The following SORBS2 variants were observed in gnomAD, a reference collection of about 807,000 sequenced individuals.
SORBS2 encodes the protein sorbin and SH3 domain-containing protein 2.
In SORBS2, 46 loss-of-function variants were observed where a neutral mutation model predicts 97.7. That is an observed-to-expected ratio of 0.47 (90% CI 0.37 to 0.60). SORBS2 has a LOEUF of 0.60. Among genes scored for constraint, SORBS2 ranks in the 20% least tolerant of loss-of-function variants. The pLI, the probability that SORBS2 is intolerant of heterozygous loss-of-function variation, is 0.00. For missense variants in SORBS2, 1,316 were observed against 1,282.3 expected (o/e 1.03, Z -0.40); for synonymous variants, 476 against 473.4 (o/e 1.01, Z -0.07).
intron 1 of SORBS2, among the ~76,000 whole-genome samples, chr4:185,940,702 A>C (rs915098310): frequency 1.3e-5 from 2 of 152,204 alleles, no homozygotes; most frequent in Non-Finnish European, 2.9e-5. Flanking sequence ...AACTTGTTCC[A>C]GCCTAGGTAC....
intron 4 of SORBS2, chr4:185,674,957 C>T (rs998102149): frequency 6.6e-6 from 1 of 152,148 alleles, no homozygotes. Flanking sequence ...TTAATGCTTG[C>T]TCCTCCTGCC....
chr4:185,901,272 C>T (rs906881505), intron 1 of SORBS2, among the ~76,000 whole-genome samples: 1 of 151,908 alleles, frequency 6.6e-6, no homozygotes, highest in Non-Finnish European at 1.5e-5. Flanking sequence ...GGCACAATCT[C>T]GGCTCACCGA....
At chr4:185,936,134 C>G (rs1304445180) in intron 1 of SORBS2, among the ~76,000 whole-genome samples, 1 of 152,254 alleles carries the variant, frequency 6.6e-6, no homozygotes, top group Non-Finnish European at 1.5e-5. Flanking sequence ...ACTGAGATGA[C>G]AGGCGTGAGC....
At chr4:185,752,498 G>T (rs1474608160) in intron 2 of SORBS2, among the ~76,000 whole-genome samples, 2 of 152,036 alleles carry the variant, frequency 1.3e-5, no homozygotes, top group Non-Finnish European at 2.9e-5. Flanking sequence ...GGATGGTCTC[G>T]ATCTCCTGAC....
At chr4:185,895,127 A>T (rs2149812959) in intron 1 of SORBS2, among the ~76,000 whole-genome samples, 1 of 152,306 alleles carries the variant, frequency 6.6e-6, no homozygotes, top group Admixed American at 6.5e-5. Flanking sequence ...AGAAGAATGA[A>T]TTAGGACGAT....
chr4:185,870,259 G>A lies in SORBS2; in HGVS notation c.-338+85937C>T, dbSNP rs150826053. Among the ~76,000 whole-genome samples, 1,385 of 152,268 alleles carry A rather than the reference G, an allele frequency of 9.1e-3. 21 individuals are homozygous for A. The highest frequency in any genetic ancestry group is 0.031 in the African/African-American group (1,276 of 41,546). ...ATGAATGAAAAGTTGGGTTCCCTGCGTAGGGGAATTGCAGAATTCGTGAAA... is the reference window on the plus strand; with the variant it reads ...ATGAATGAAAAGTTGGGTTCCCTGCATAGGGGAATTGCAGAATTCGTGAAA... On this transcript the variant is annotated intron_variant, in intron 1 of 20. Coordinates refer to the SORBS2 transcript ENST00000284776.
chr4:185,708,054 G>T (rs1208908238), intron 2 of SORBS2, among the ~76,000 whole-genome samples: 1 of 152,148 alleles, frequency 6.6e-6, no homozygotes, highest in South Asian at 2.1e-4. Context: ...CCTTGAAGGA[G>T]CCCAGGCTTC....
intron 2 of SORBS2, among the ~76,000 whole-genome samples, chr4:185,694,706 C>CTTTCTTTTTTTTT (rs1388020260): frequency 2.4e-5 from 3 of 124,272 alleles, no homozygotes; most frequent in African/African-American, 5.9e-5. Flanking sequence ...CCTTTTCTTT[C>CTTTCTTTTTTTTT]TTTTCTTTTC....
At chr4:185,669,947 A>G (rs762521010) in intron 4 of SORBS2, among the ~76,000 whole-genome samples, 2 of 152,214 alleles carry the variant, frequency 1.3e-5, no homozygotes, top group Admixed American at 6.5e-5. Context: ...GGGCAAGCGC[A>G]GTGGCTCACA....
chr4:185,703,521 A>T (rs1018354206), intron 2 of SORBS2, among the ~76,000 whole-genome samples: 3 of 152,236 alleles, frequency 2.0e-5, no homozygotes, highest in African/African-American at 7.2e-5. Context: ...CTGTACTCCT[A>T]GCCAATATTC....
chr4:185,812,048 T>C (rs972330389), intron 1 of SORBS2: 3 of 152,234 alleles, frequency 2.0e-5, no homozygotes, highest in Admixed American at 6.5e-5. Context: ...AATCAGCTAA[T>C]TGGAACGGCA....
At chr4:185,678,641 T>C in intron 3 of SORBS2, 94 bp from the exon 7 acceptor site, 2 of 1,371,294 alleles carry the variant, frequency 1.5e-6, no homozygotes, top group Non-Finnish European at 2.0e-6. Flanking sequence ...ATCATTTTTA[T>C]TTCCAAAATT....
At chr4:185,861,701 G>A (rs2099223882) in intron 1 of SORBS2, among the ~76,000 whole-genome samples, 2 of 151,918 alleles carry the variant, frequency 1.3e-5, no homozygotes, top group East Asian at 3.9e-4. Context: ...TGCCACCCAG[G>A]TTCAAGCGAT....
At chr4:185,925,108 G>A (rs1352582649) in intron 1 of SORBS2, among the ~76,000 whole-genome samples, 1 of 152,198 alleles carries the variant, frequency 6.6e-6, no homozygotes. Flanking sequence ...AGCTTGCCAT[G>A]ATATAAGACA....
intron 1 of SORBS2, among the ~76,000 whole-genome samples, chr4:185,930,829 T>A (rs934885147): frequency 6.6e-6 from 1 of 152,230 alleles, no homozygotes; most frequent in African/African-American, 2.4e-5. Flanking sequence ...AAAGTAATAA[T>A]GACTTGTATA....
chr4:185,732,133 A>G (rs1446352140), intron 2 of SORBS2, among the ~76,000 whole-genome samples: 1 of 152,028 alleles, frequency 6.6e-6, no homozygotes, highest in Non-Finnish European at 1.5e-5. Context: ...CATCAGTAGA[A>G]GATGGAAAGT....
At chr4:185,827,153 T>TCATCATCAC (rs1360472731) in intron 1 of SORBS2, among the ~76,000 whole-genome samples, 1 of 44,772 alleles carries the variant, frequency 2.2e-5, no homozygotes, top group South Asian at 7.6e-4. Context: ...ATTGCCATCA[T>TCATCATCAC]CATCATCACC....
chr4:185,673,335 A>G (rs2097746600), intron 4 of SORBS2, among the ~76,000 whole-genome samples: 1 of 152,220 alleles, frequency 6.6e-6, no homozygotes, highest in African/African-American at 2.4e-5. Flanking sequence ...TCTTACCAAA[A>G]TTTTAAACAG....
intron 1 of SORBS2, among the ~76,000 whole-genome samples, chr4:185,820,251 G>T (rs954376924): frequency 1.8e-4 from 27 of 152,184 alleles, no homozygotes; most frequent in Non-Finnish European, 3.5e-4. Flanking sequence ...TGTCATCAGT[G>T]GGAACTTATC....
Sources: gnomAD v4.1 joint callset for allele counts (sites outside exome capture counted in the v4.1 genomes callset) on GRCh38, gnomAD v4.1.1 for gene constraint, MANE v1.5 for transcripts, NCBI Gene and HGNC (gene_info 2026-07-23, HGNC 2026-07-21) for gene names.